Variants in HPSE2 observed in about 807,000 individuals in gnomAD.
HPSE2 encodes inactive heparanase-2.
Under a neutral mutation model 60.5 loss-of-function variants are expected in HPSE2, and 38 were observed. That is an observed-to-expected ratio of 0.63 (90% CI 0.48 to 0.82). HPSE2 has a LOEUF of 0.82. Ranked by LOEUF, HPSE2 falls within the 40% of genes least tolerant of loss-of-function variation. HPSE2 has a pLI of 0.00. For synonymous variants in HPSE2, 295 were observed against 293.2 expected, an observed-to-expected ratio of 1.01 and a Z score of -0.06; for missense variants, 713 against 740.4, an observed-to-expected ratio of 0.96 and a Z score of 0.43.
chr10:98,995,725 A>G (rs1956628755), intron 3 of HPSE2, among the ~76,000 whole-genome samples: 1 of 152,202 alleles, frequency 6.6e-6, no homozygotes, highest in Non-Finnish European at 1.5e-5. Flanking sequence ...ATCCAGAACA[A>G]ATAAGAAATT....
intron 10 of HPSE2, among the ~76,000 whole-genome samples, chr10:98,488,311 C>T (rs557463558): frequency 2.0e-5 from 3 of 152,200 alleles, no homozygotes; most frequent in Non-Finnish European, 4.4e-5. Flanking sequence ...AACTCTAAAT[C>T]AACAGTAACA....
intron 2 of HPSE2, among the ~76,000 whole-genome samples, chr10:99,226,901 G>C (rs945372850): frequency 3.3e-5 from 5 of 152,014 alleles, no homozygotes; most frequent in Admixed American, 6.6e-5. Context: ...ATGGTGATTT[G>C]GGATAGCATC....
intron 3 of HPSE2, among the ~76,000 whole-genome samples, chr10:99,053,719 CTTTTTTTTT>C (rs11301458): frequency 8.6e-5 from 5 of 57,808 alleles, no homozygotes; most frequent in African/African-American, 3.9e-4. Flanking sequence ...GAGTTACAGT[CTTTTTTTTT>C]TTTTTTTTTT....
chr10:99,161,485 T>C (rs897895757), intron 2 of HPSE2, among the ~76,000 whole-genome samples: 1 of 152,184 alleles, frequency 6.6e-6, no homozygotes, highest in African/African-American at 2.4e-5. Flanking sequence ...ACTTCATTTA[T>C]GTGAAATTTC....
intron 3 of HPSE2, among the ~76,000 whole-genome samples, chr10:99,107,830 T>G (rs1844307459): frequency 6.6e-6 from 1 of 152,200 alleles, no homozygotes; most frequent in Admixed American, 6.5e-5. Context: ...ATATTTGGTT[T>G]TCTTGGAATG....
Position 98,620,599 on chromosome 10 carries a change from C to T in HPSE2, c.1205+3G>A, listed in dbSNP as rs1482989132. 1 of 1,611,236 alleles carries T rather than the reference C, an allele frequency of 6.2e-7. No individual in the cohort carries two copies. Among genetic ancestry groups the T allele is most frequent in the Non-Finnish European group, 8.5e-7 (1 of 1,177,470 alleles). On this transcript the variant is annotated splice_donor_region_variant and intron_variant, in intron 8 of 11. Coordinates refer to ENST00000370552, the MANE Select transcript of HPSE2 (RefSeq NM_021828.5). ...TGGGGGTGAACTTGCAGGTGTTACT[C>T]ACAAGAATCCTGCAGCATAGGAATC...
chr10:99,296,303 G>C, the HPSE2 span, among the ~76,000 whole-genome samples: 11 of 152,184 alleles, frequency 7.2e-5, no homozygotes, highest in Non-Finnish European at 1.3e-4. Flanking sequence ...TGCTGAACCA[G>C]ATTGAGGACT....
At chr10:98,654,368 A>G (rs953085788) in intron 6 of HPSE2, among the ~76,000 whole-genome samples, 23 of 152,188 alleles carry the variant, frequency 1.5e-4, no homozygotes, top group African/African-American at 5.3e-4. Flanking sequence ...TTATGTGTAC[A>G]TTACACATTT....
intron 3 of HPSE2, among the ~76,000 whole-genome samples, chr10:98,829,727 C>T (rs552848571): frequency 4.6e-5 from 7 of 152,220 alleles, no homozygotes; most frequent in African/African-American, 1.4e-4. Flanking sequence ...AAACCAAAAA[C>T]TTTATCTAGC....
In HPSE2 at chr10:98,670,756, G is replaced by A. The variant is rs184266973; in HGVS notation, c.1004+23144C>T. On this transcript the variant is annotated intron_variant, in intron 6 of 11. Coordinates refer to ENST00000370552, the MANE Select transcript of HPSE2 (RefSeq NM_021828.5). ...AGAACATTGTGAAACTCCCTGCCCT[G>A]TTCTGTTTCTCTCTACCAGTGCATG... 8.2e-4 allele frequency among the ~76,000 whole-genome samples: 125 copies of A among 152,302 alleles called. 2 individuals carry two copies. The highest frequency in any genetic ancestry group is 2.9e-3 in the African/African-American group (119 of 41,566).
chr10:99,181,421 A>AAAAAAAAAAG (rs1847772702), intron 2 of HPSE2, among the ~76,000 whole-genome samples: 1 of 138,136 alleles, frequency 7.2e-6, no homozygotes, highest in African/African-American at 2.7e-5. Flanking sequence ...AAAAAAAAAA[A>AAAAAAAAAAG]GACACACGCA....
chr10:99,282,662 T>G, the HPSE2 span, among the ~76,000 whole-genome samples: 1 of 152,122 alleles, frequency 6.6e-6, no homozygotes, highest in Non-Finnish European at 1.5e-5. Flanking sequence ...AAATATGTTT[T>G]CCAATCACAA....
At chr10:99,245,682 G>A in the HPSE2 span, among the ~76,000 whole-genome samples, 33 of 152,328 alleles carry the variant, frequency 2.2e-4, no homozygotes, top group African/African-American at 6.5e-4. Flanking sequence ...GCTGATGGAA[G>A]TATAAAGTAA....
rs180959449 is a variant in HPSE2 at position 99,138,282 on chromosome 10, C to G, written c.610+5956G>C. 2.9e-3 allele frequency among the ~76,000 whole-genome samples: 443 copies of G among 152,290 alleles called. 12 individuals carry two copies. Among genetic ancestry groups the G allele is most frequent in the Admixed American group, 0.027 (407 of 15,294 alleles). On this transcript the variant is annotated intron_variant, in intron 3 of 11. Coordinates refer to ENST00000370552, the MANE Select transcript of HPSE2 (RefSeq NM_021828.5). The stretch of plus-strand genomic sequence containing the variant: ...ATATGGAGAAATAGGAATGCTTTTA[C>G]ACTGTTGGTGGGAGTGTAAATTAGT...
At chr10:98,849,525 C>T (rs914532458) in intron 3 of HPSE2, among the ~76,000 whole-genome samples, 25 of 152,090 alleles carry the variant, frequency 1.6e-4, no homozygotes, top group African/African-American at 6.0e-4. Context: ...TGCAAGAAAT[C>T]TATCTGAATT....
chr10:98,519,504 C>T (rs955476942), intron 9 of HPSE2, among the ~76,000 whole-genome samples: 6 of 152,206 alleles, frequency 3.9e-5, no homozygotes, highest in Non-Finnish European at 7.3e-5. Context: ...TTCTACAAGT[C>T]AGGAAAGTTA....
intron 9 of HPSE2, among the ~76,000 whole-genome samples, chr10:98,573,527 T>C (rs522074): frequency 0.85 from 128,546 of 151,880 alleles, 55,739 homozygotes; most frequent in East Asian, 1. Context: ...TGTTTTGTTG[T>C]CCCCCATTCT....
At chr10:99,261,136 C>A in the HPSE2 span, among the ~76,000 whole-genome samples, 2 of 152,132 alleles carry the variant, frequency 1.3e-5, no homozygotes, top group Non-Finnish European at 2.9e-5. Flanking sequence ...GCTCCCAATG[C>A]AATTCATCCC....
chr10:99,237,538 G>A (rs74875816), upstream of HPSE2, among the ~76,000 whole-genome samples: 1 of 152,152 alleles, frequency 6.6e-6, no homozygotes, highest in Admixed American at 6.5e-5. Context: ...TCTGTGAAGC[G>A]CCATGACGAC....
Sources: gnomAD v4.1 joint callset for allele counts (sites outside exome capture counted in the v4.1 genomes callset) on GRCh38, gnomAD v4.1.1 for gene constraint, MANE v1.5 for transcripts, NCBI Gene and HGNC (gene_info 2026-07-23, HGNC 2026-07-21) for gene names.